ARID2: variants seen among roughly 807,000 people sequenced by gnomAD.
ARID2 encodes the protein AT-rich interaction domain 2.
ARID2 carries 32 observed loss-of-function variants against 184.6 expected under a neutral mutation model. That is an observed-to-expected ratio of 0.17 (90% CI 0.13 to 0.23). The LOEUF (loss-of-function observed/expected upper bound fraction) is 0.23. Among genes scored for constraint, ARID2 ranks in the 10% least tolerant of loss-of-function variants. The pLI, the probability that ARID2 is intolerant of heterozygous loss-of-function variation, is 1.00. For synonymous variants in ARID2, 836 were observed against 772.6 expected (o/e 1.08, Z -1.36); for missense variants, 1,696 against 2,197.6 (o/e 0.77, Z 4.56).
At chr12:45,845,186 T>C (rs1943419764) in intron 11 of ARID2, among the ~76,000 whole-genome samples, 1 of 152,170 alleles carries the variant, frequency 6.6e-6, no homozygotes, top group Non-Finnish European at 1.5e-5. Context: ...TTCATGAAAT[T>C]GATTGCTAAT....
At chr12:45,735,283 T>C (rs1343570572) in intron 3 of ARID2, among the ~76,000 whole-genome samples, 1 of 152,162 alleles carries the variant, frequency 6.6e-6, no homozygotes, top group Non-Finnish European at 1.5e-5. Flanking sequence ...AGTTTGTAAA[T>C]TGCTAAACGG....
At chr12:45,747,672 C>T (rs569931746) in intron 3 of ARID2, among the ~76,000 whole-genome samples, 9 of 152,228 alleles carry the variant, frequency 5.9e-5, no homozygotes, top group African/African-American at 1.7e-4. Flanking sequence ...GCATTTCATT[C>T]GTCTGTCCCT....
At chr12:45,876,919 C>T (rs191763239) in intron 16 of ARID2, among the ~76,000 whole-genome samples, 244 of 151,584 alleles carry the variant, frequency 1.6e-3, no homozygotes, top group African/African-American at 5.2e-3. Context: ...GAAAACTCAT[C>T]TCTACTAAAA....
rs1214199392 is a variant in ARID2 at position 45,814,697 on chromosome 12, A to G, written c.419-2973A>G. Among the ~76,000 whole-genome samples, 5 of 152,338 alleles carry G rather than the reference A, an allele frequency of 3.3e-5. No individual in the cohort carries two copies. In the East Asian group the frequency reaches 9.6e-4, roughly 29 times the overall value. Reference sequence around the variant, plus strand: ...TCATTCCAGTTATAAAATTATAGCTACTCAACCATATCTCCTTGAGGGAAT... The same window carrying G: ...TCATTCCAGTTATAAAATTATAGCTGCTCAACCATATCTCCTTGAGGGAAT... On this transcript the variant is annotated intron_variant, in intron 4 of 20. Coordinates refer to ENST00000334344, the MANE Select transcript of ARID2 (RefSeq NM_152641.4).
At chr12:45,806,133 ACT>A (rs1371193005) in intron 3 of ARID2, among the ~76,000 whole-genome samples, 1 of 151,628 alleles carries the variant, frequency 6.6e-6, no homozygotes, top group African/African-American at 2.4e-5. Flanking sequence ...TTCTTCTCAA[ACT>A]CTGTTCATTA....
intron 3 of ARID2, among the ~76,000 whole-genome samples, chr12:45,770,454 C>T (rs568401858): frequency 9.9e-5 from 15 of 152,272 alleles, no homozygotes; most frequent in Non-Finnish European, 2.2e-4. Context: ...GCACAGCCTG[C>T]AGCTAGACCA....
At chr12:45,893,783 T>A (rs2136463437) in intron 20 of ARID2, 62 bp downstream of exon 20, 1 of 1,292,178 alleles carries the variant, frequency 7.7e-7, no homozygotes, top group Non-Finnish European at 1.1e-6. Flanking sequence ...ACATATAAGT[T>A]AATAAAATTA....
At position 45,735,417 on chromosome 12, in the gene ARID2, TCGTGTGTGTG is replaced by T. The variant is rs1182906255; in HGVS notation, c.284+4104_284+4113del. Among the ~76,000 whole-genome samples the T allele has an allele frequency of 6.1e-3, 677 of 110,358 alleles. 4 individuals carry two copies. The highest frequency in any genetic ancestry group is 0.024 in the African/African-American group (654 of 27,004). The allele number at this position is 110,358 out of a possible 152,430, so 72.4% of individuals were successfully genotyped here. A position where few individuals can be genotyped will look rare whatever the true frequency, so the allele number is the denominator to read the frequency against. On this transcript the variant is annotated intron_variant, in intron 3 of 20. Transcript: ENST00000334344. The stretch of plus-strand genomic sequence containing the variant: ...TTCAAATTTAACTTTATAAACTGTA[TCGTGTGTGTG>T]TGTGTGTGTGTGTGTGTGTGTGTGT...
intron 16 of ARID2, among the ~76,000 whole-genome samples, chr12:45,865,179 A>T (rs755002726): frequency 2.0e-5 from 3 of 152,136 alleles, no homozygotes; most frequent in Non-Finnish European, 4.4e-5. Context: ...CTGTGTGTTT[A>T]TACTGATTCT....
At chr12:45,731,026 A>G (rs768087446) in intron 2 of ARID2, among the ~76,000 whole-genome samples, 191 bp from the exon 3 acceptor site, 11 of 151,954 alleles carry the variant, frequency 7.2e-5, no homozygotes, top group Admixed American at 2.0e-4. Context: ...GTGGTATTAA[A>G]TACAGGGCTC....
intron 3 of ARID2, among the ~76,000 whole-genome samples, chr12:45,810,583 A>G (rs930668724): frequency 3.9e-5 from 6 of 152,202 alleles, no homozygotes; most frequent in Admixed American, 3.3e-4. Flanking sequence ...ATCAAATGCT[A>G]TACAAAAGAA....
intron 3 of ARID2, among the ~76,000 whole-genome samples, chr12:45,786,174 C>CT (rs1310401155): frequency 6.6e-6 from 1 of 152,054 alleles, no homozygotes; most frequent in Admixed American, 6.6e-5. Flanking sequence ...GCATATATAG[C>CT]TTTTTTATTT....
chr12:45,836,615 T>C lies in ARID2; in HGVS notation c.732T>C (p.Asn244=). The C allele has an allele frequency of 6.2e-7, 1 of 1,610,400 alleles. No homozygotes were observed. Among genetic ancestry groups the C allele is most frequent in the South Asian group, 1.1e-5 (1 of 89,832 alleles). The change falls in exon 7 of 21, where the codon AAT becomes AAC. Residue 244 remains asparagine, a synonymous_variant. Coordinates refer to ENST00000334344, the MANE Select transcript of ARID2 (RefSeq NM_152641.4). ...VKFWKDIVDD[N]EVRDLISDRN... ...TTTGGAAAGACATCGTTGATGATAA[T>C]GAAGTTCGTGACCTCATTTCTGACA...
intron 3 of ARID2, among the ~76,000 whole-genome samples, chr12:45,804,200 T>C (rs968274139): frequency 2.0e-5 from 3 of 152,178 alleles, no homozygotes; most frequent in African/African-American, 7.2e-5. Context: ...ATTCTCTGAA[T>C]TGCACAACAA....
chr12:45,754,512 C>T (rs1438370028), intron 3 of ARID2, among the ~76,000 whole-genome samples: 1 of 152,220 alleles, frequency 6.6e-6, no homozygotes, highest in South Asian at 2.1e-4. Context: ...CACCTTTCTG[C>T]CTTTGCATGT....
At chr12:45,880,691 A>T (rs1276302559) in intron 16 of ARID2, among the ~76,000 whole-genome samples, 4 of 152,254 alleles carry the variant, frequency 2.6e-5, no homozygotes, top group African/African-American at 9.6e-5. Flanking sequence ...GCACATGCTC[A>T]ACACTTAACA....
At chr12:45,781,872 T>G (rs1261389147) in intron 3 of ARID2, among the ~76,000 whole-genome samples, 1 of 152,208 alleles carries the variant, frequency 6.6e-6, no homozygotes, top group African/African-American at 2.4e-5. Context: ...AGTTAATTGG[T>G]ATGGAATCCT....
intron 12 of ARID2, among the ~76,000 whole-genome samples, chr12:45,848,104 G>GT (rs1017936351): frequency 1.4e-4 from 21 of 148,994 alleles, no homozygotes; most frequent in East Asian, 2.0e-4. Flanking sequence ...TCATTTTACA[G>GT]TTTTTTTTTT....
chr12:45,907,981 T>C lies in ARID2; in HGVS notation c.*2903T>C. The C allele has an allele frequency of 4.3e-6, 1 of 229,962 alleles. No individual in the cohort carries two copies. Among genetic ancestry groups the C allele is most frequent in the Non-Finnish European group, 8.6e-6 (1 of 116,076 alleles). 14.2% of individuals were successfully genotyped at this position (229,962 alleles called of 1,614,324 possible). ...GAGAACTCGTCTCATTACTTTATAG[T>C]CATGTCATGTATGTTTTTTTAACCA... On this transcript the variant is annotated 3_prime_UTR_variant, in exon 21 of 21. Coordinates refer to ENST00000334344, the MANE Select transcript of ARID2 (RefSeq NM_152641.4).
Sources: allele counts gnomAD v4.1 joint callset (sites outside exome capture counted in the v4.1 genomes callset), GRCh38; gene constraint gnomAD v4.1.1; transcripts MANE v1.5; gene names NCBI Gene and HGNC (gene_info 2026-07-23, HGNC 2026-07-21).